The following UBAC2 variants were observed in gnomAD, a reference collection of about 807,000 sequenced individuals.
UBAC2 encodes the protein ubiquitin-associated domain-containing protein 2.
A neutral mutation model predicts 44.0 loss-of-function variants in UBAC2; 26 were observed. The observed-to-expected ratio is 0.59, with a 90% confidence interval of 0.43 to 0.82. The LOEUF (loss-of-function observed/expected upper bound fraction) is 0.82. Ranked by LOEUF, UBAC2 falls within the 40% of genes least tolerant of loss-of-function variation. The pLI is 0.00. For missense variants in UBAC2, 329 were observed against 419.4 expected, an observed-to-expected ratio of 0.78 and a Z score of 1.88; for synonymous variants, 155 against 154.3, an observed-to-expected ratio of 1.00 and a Z score of -0.04.
chr13:99,275,024 T>G (rs1424598200), intron 4 of UBAC2, among the ~76,000 whole-genome samples: 1 of 152,224 alleles, frequency 6.6e-6, no homozygotes, highest in Non-Finnish European at 1.5e-5. Context: ...AGCTTGAATG[T>G]CTTTGAACAT....
chr13:99,240,060 T>A (rs1171051829), intron 2 of UBAC2, among the ~76,000 whole-genome samples: 1 of 152,178 alleles, frequency 6.6e-6, no homozygotes, highest in Non-Finnish European at 1.5e-5. Context: ...ACAGGAAGCG[T>A]GCTTTGAGGC....
intron 4 of UBAC2, among the ~76,000 whole-genome samples, chr13:99,274,771 G>C (rs1056771483): frequency 2.7e-5 from 4 of 150,004 alleles, no homozygotes; most frequent in Admixed American, 6.6e-5. Flanking sequence ...GCTGGAGTGT[G>C]GTGGCACGCA....
intron 4 of UBAC2, among the ~76,000 whole-genome samples, chr13:99,291,754 A>G (rs962635564): frequency 3.3e-5 from 5 of 152,242 alleles, no homozygotes; most frequent in Admixed American, 6.5e-5. Flanking sequence ...GTGCTCTAGC[A>G]TATGTAATTG....
chr13:99,258,665 T>G (rs1177951548), intron 4 of UBAC2: 1 of 152,252 alleles, frequency 6.6e-6, no homozygotes, highest in African/African-American at 2.4e-5. Flanking sequence ...TATGTGACTT[T>G]GTCTAGTTAC....
At chr13:99,358,679 C>T (rs1202579536) in intron 7 of UBAC2, among the ~76,000 whole-genome samples, 1 of 152,122 alleles carries the variant, frequency 6.6e-6, no homozygotes, top group East Asian at 1.9e-4. Flanking sequence ...TGGAGCCACC[C>T]CGGCCATGGA....
At chr13:99,299,123 T>C (rs567325084) in intron 4 of UBAC2, among the ~76,000 whole-genome samples, 1 of 152,336 alleles carries the variant, frequency 6.6e-6, no homozygotes, top group South Asian at 2.1e-4. Flanking sequence ...GAGGTGCCAT[T>C]GCTTGCCAGT....
At chr13:99,282,759 AT>A (rs1292059202) in intron 4 of UBAC2, among the ~76,000 whole-genome samples, 2 of 152,204 alleles carry the variant, frequency 1.3e-5, no homozygotes, top group African/African-American at 4.8e-5. Context: ...AAGATTTTAG[AT>A]TTAGATCATT....
At chr13:99,287,628 C>CTTTTTTTTTTCTTTCTTTCTTTTTTT (rs2044034912) in intron 4 of UBAC2, among the ~76,000 whole-genome samples, 1 of 126,982 alleles carries the variant, frequency 7.9e-6, no homozygotes, top group African/African-American at 3.0e-5. Context: ...TTTCTTTCTT[C>CTTTTTTTTTTCTTTCTTTCTTTTTTT]TTTTTTTTTT....
chr13:99,346,386 T>A (rs2044980753), intron 7 of UBAC2, among the ~76,000 whole-genome samples: 1 of 152,178 alleles, frequency 6.6e-6, no homozygotes, highest in Non-Finnish European at 1.5e-5. Context: ...TCACTCCAGC[T>A]ATCATCCTTC....
In UBAC2 at chr13:99,286,067, T is replaced by C. The variant is rs111239052; in HGVS notation, c.390-28030T>C. On this transcript the variant is annotated intron_variant, in intron 4 of 8. Transcript: ENST00000403766. ...AGTTCTCCTGGTAGACCAGTCCTTA[T>C]GTGTTCCAGGAGTCTATTCCTGGAG... 7.4e-3 allele frequency among the ~76,000 whole-genome samples: 1,121 copies of C among 152,308 alleles called. 10 individuals carry two copies. The highest frequency in any genetic ancestry group is 0.055 in the South Asian group (267 of 4,828).
intron 7 of UBAC2, among the ~76,000 whole-genome samples, chr13:99,344,602 A>C (rs777135034): frequency 6.6e-6 from 1 of 152,160 alleles, no homozygotes; most frequent in Non-Finnish European, 1.5e-5. Context: ...TTCAGTTACT[A>C]ACTGCTGTAT....
rs530435233 is a variant in UBAC2 at position 99,309,070 on chromosome 13, G to C, written c.390-5027G>C. ...ACATTTTTATATAGTGAAGGACTCAGCTAGTTCAAGTAATTCCTCTGACAA... is the reference window on the plus strand; with the variant it reads ...ACATTTTTATATAGTGAAGGACTCACCTAGTTCAAGTAATTCCTCTGACAA... On this transcript the variant is annotated intron_variant, in intron 4 of 8. Transcript: ENST00000403766. Among the ~76,000 whole-genome samples, 15 of 152,024 alleles carry C rather than the reference G, an allele frequency of 9.9e-5. 1 individual carries two copies. Among genetic ancestry groups the C allele is most frequent in the Middle Eastern group, 3.4e-3 (1 of 292 alleles).
intron 7 of UBAC2, among the ~76,000 whole-genome samples, chr13:99,351,211 G>A (rs1322325902): frequency 1.3e-5 from 2 of 152,172 alleles, no homozygotes; most frequent in African/African-American, 4.8e-5. Flanking sequence ...TATTATCATA[G>A]TATTGGGCAT....
intron 1 of UBAC2, among the ~76,000 whole-genome samples, chr13:99,204,952 G>A (rs2042851447): frequency 6.9e-6 from 1 of 143,886 alleles, no homozygotes; most frequent in African/African-American, 2.6e-5. Context: ...TCGCCAGGCT[G>A]GAGTGCAGCG....
chr13:99,381,326 A>C (rs2138930172), intron 8 of UBAC2, among the ~76,000 whole-genome samples: 1 of 152,298 alleles, frequency 6.6e-6, no homozygotes, highest in South Asian at 2.1e-4. Flanking sequence ...CTGTGGCCTA[A>C]AGTCACACTT....
intron 4 of UBAC2, among the ~76,000 whole-genome samples, chr13:99,286,579 G>A (rs1338808554): frequency 6.6e-6 from 1 of 151,908 alleles, no homozygotes; most frequent in Non-Finnish European, 1.5e-5. Context: ...ACTCAGGCTT[G>A]GGGTACAAAT....
intron 7 of UBAC2, among the ~76,000 whole-genome samples, chr13:99,347,006 A>G (rs2044993803): frequency 6.6e-6 from 1 of 152,194 alleles, no homozygotes; most frequent in African/African-American, 2.4e-5. Flanking sequence ...GGTTGAGTGC[A>G]GTGGTTCACG....
chr13:99,278,918 T>C (rs2043918436), intron 4 of UBAC2, among the ~76,000 whole-genome samples: 1 of 152,228 alleles, frequency 6.6e-6, no homozygotes, highest in Non-Finnish European at 1.5e-5. Context: ...AGGCTTATGG[T>C]TCCTCATGAT....
intron 4 of UBAC2, among the ~76,000 whole-genome samples, chr13:99,277,867 G>A (rs981691515): frequency 3.3e-5 from 5 of 152,160 alleles, no homozygotes; most frequent in African/African-American, 1.2e-4. Context: ...TGGTAAATGA[G>A]CAAGAGGGAA....
Sources: allele counts gnomAD v4.1 joint callset (sites outside exome capture counted in the v4.1 genomes callset), GRCh38; gene constraint gnomAD v4.1.1; transcripts MANE v1.5; gene names NCBI Gene and HGNC (gene_info 2026-07-23, HGNC 2026-07-21).